The following KANSL3 variants were observed in gnomAD, a reference collection of about 807,000 sequenced individuals.
KANSL3 encodes the protein KAT8 regulatory NSL complex subunit 3, also known as NSL complex protein NSL3.
A neutral mutation model predicts 89.2 loss-of-function variants in KANSL3; 16 were observed. That is an observed-to-expected ratio of 0.18 (90% CI 0.12 to 0.27). The LOEUF (loss-of-function observed/expected upper bound fraction) is 0.27, where lower values mean the gene tolerates loss of function less well. Among genes scored for constraint, KANSL3 ranks in the 10% least tolerant of loss-of-function variants. The probability of loss-of-function intolerance (pLI) is 1.00; values close to 1 mark genes in which losing one functional copy is unlikely to be tolerated. For synonymous variants in KANSL3, 385 were observed against 419.7 expected (o/e 0.92, Z 1.01); for missense variants, 879 against 1,110.6 (o/e 0.79, Z 2.96).
intron 5 of KANSL3, among the ~76,000 whole-genome samples, chr2:96,618,097 A>G (rs1467801300): frequency 6.6e-6 from 1 of 151,618 alleles, no homozygotes; most frequent in Non-Finnish European, 1.5e-5. Flanking sequence ...GTTCGAAGTT[A>G]TAGCAAGCAA....
chr2:96,598,245 G>T, intron 20 of KANSL3: 3 of 467,220 alleles, frequency 6.4e-6, no homozygotes, highest in Non-Finnish European at 8.4e-6. Context: ...AACTGTTTTA[G>T]AGTATGAGAG....
At chr2:96,596,732 T>C (rs2066571543) in intron 20 of KANSL3, among the ~76,000 whole-genome samples, 1 of 152,172 alleles carries the variant, frequency 6.6e-6, no homozygotes, top group South Asian at 2.1e-4. Context: ...GAATACACCT[T>C]AGAGTGAGCC....
chr2:96,593,128 A>C (rs1464177632), downstream of KANSL3: 1 of 404,224 alleles, frequency 2.5e-6, no homozygotes, highest in Non-Finnish European at 5.0e-6. Context: ...TTTCCAGAAT[A>C]CATATGAGAA....
chr2:96,610,825 T>C lies in KANSL3; in HGVS notation c.1220A>G (p.Asn407Ser). The part of the protein sequence containing the change: ...KTPVLFVIGQ[N>S]SLQCHPEAME... Reference sequence around the variant, plus strand: ...GGCTTCAGGGTGACATTGAAGGGAATTCTGACCAATGACAAAGAGGACTGG... The same window carrying C: ...GGCTTCAGGGTGACATTGAAGGGAACTCTGACCAATGACAAAGAGGACTGG... Residue 407 changes from asparagine to serine, a missense_variant, in exon 11 of 21, where the codon AAT becomes AGT. By Grantham distance (46) the Asn-to-Ser change is conservative (BLOSUM62 1). This residue lies in a region of KANSL3 where 198 missense variants were observed against 260.3 expected (regional missense o/e 0.76). Coordinates refer to ENST00000431828, the MANE Select transcript of KANSL3 (RefSeq NM_001115016.3). 1.2e-6 allele frequency: 2 copies of C among 1,613,950 alleles called. No individual in the cohort carries two copies. Among genetic ancestry groups the C allele is most frequent in the Non-Finnish European group, 8.5e-7 (1 of 1,179,834 alleles).
intron 18 of KANSL3, among the ~76,000 whole-genome samples, 199 bp downstream of exon 18, chr2:96,602,554 A>C (rs748734772): frequency 6.6e-6 from 1 of 152,216 alleles, no homozygotes; most frequent in South Asian, 2.1e-4. Context: ...AAAGAAACAA[A>C]AACAGAGTGG....
At chr2:96,615,379 T>C (rs1440047134) in intron 5 of KANSL3, 3 of 319,430 alleles carry the variant, frequency 9.4e-6, no homozygotes, top group Non-Finnish European at 1.6e-5. Context: ...CAAAAATATA[T>C]ATCCTGCTAT....
intron 3 of KANSL3, among the ~76,000 whole-genome samples, chr2:96,621,047 A>G: frequency 6.6e-6 from 1 of 152,166 alleles, no homozygotes; most frequent in East Asian, 1.9e-4. Flanking sequence ...TGCTACACCC[A>G]AATGAGACCC....
At chr2:96,635,805 A>G (rs2074150059) in intron 2 of KANSL3, among the ~76,000 whole-genome samples, 2 of 152,172 alleles carry the variant, frequency 1.3e-5, no homozygotes, top group African/African-American at 4.8e-5. Context: ...CCTGGCTAAC[A>G]TGGTGGGTGG....
intron 9 of KANSL3, 140 bp downstream of exon 9, chr2:96,612,142 T>C (rs2069118852): frequency 3.1e-6 from 2 of 648,704 alleles, no homozygotes; most frequent in Admixed American, 3.0e-5. Context: ...TAATAAAATT[T>C]GTCTTCTACA....
intron 3 of KANSL3, among the ~76,000 whole-genome samples, chr2:96,621,503 G>C (rs1211150344): frequency 6.6e-6 from 1 of 150,852 alleles, no homozygotes; most frequent in Non-Finnish European, 1.5e-5. Flanking sequence ...GACAGAGTGA[G>C]ACTCTGTCTT....
At chr2:96,618,901 T>C (rs1051864404) in intron 5 of KANSL3, among the ~76,000 whole-genome samples, 13 of 152,246 alleles carry the variant, frequency 8.5e-5, no homozygotes, top group African/African-American at 3.1e-4. Context: ...TACTGAATTA[T>C]AAAAGTCTAA....
the KANSL3 span, among the ~76,000 whole-genome samples, chr2:96,582,935 G>C: frequency 5.3e-5 from 8 of 152,312 alleles, no homozygotes; most frequent in Admixed American, 6.5e-5. Context: ...TGTAGTTTAG[G>C]AGCTACAGGA....
At chr2:96,609,342 A>G (rs147648917) in intron 12 of KANSL3, among the ~76,000 whole-genome samples, 157 bp downstream of exon 12, 1 of 152,046 alleles carries the variant, frequency 6.6e-6, no homozygotes, top group Non-Finnish European at 1.5e-5. Context: ...ACATTAATTC[A>G]CCACTCTCAT....
chr2:96,602,962 T>C, intron 17 of KANSL3, 100 bp from the exon 18 acceptor site: 1 of 1,113,708 alleles, frequency 9.0e-7, no homozygotes, highest in African/African-American at 1.5e-5. Flanking sequence ...AAAACACCAG[T>C]GGTGCTTGCC....
intron 6 of KANSL3, 111 bp downstream of exon 6, chr2:96,613,377 T>A (rs992176040): frequency 2.3e-5 from 18 of 776,792 alleles, no homozygotes; most frequent in African/African-American, 7.3e-5. Context: ...TCTCAAAAAA[T>A]AATAATAATA....
intron 2 of KANSL3, among the ~76,000 whole-genome samples, chr2:96,633,958 G>A (rs995724715): frequency 1.3e-5 from 2 of 152,218 alleles, no homozygotes; most frequent in Non-Finnish European, 2.9e-5. Context: ...TACCACACTG[G>A]ACATCCCAGG....
At chr2:96,624,477 C>G (rs1244367294) in intron 3 of KANSL3, among the ~76,000 whole-genome samples, 1 of 152,060 alleles carries the variant, frequency 6.6e-6, no homozygotes, top group African/African-American at 2.4e-5. Flanking sequence ...AGTGACCACC[C>G]CTCCCTTCCT....
chr2:96,632,598 G>A (rs758731597), intron 2 of KANSL3, among the ~76,000 whole-genome samples: 53 of 152,224 alleles, frequency 3.5e-4, no homozygotes, highest in Non-Finnish European at 6.8e-4. Flanking sequence ...AGCCACTGCA[G>A]TTGACTGAGA....
At chr2:96,593,104 A>G (rs918774327), downstream of KANSL3, 18 of 371,054 alleles carry the variant, frequency 4.9e-5, no homozygotes, top group Non-Finnish European at 8.1e-5. Context: ...TTTGGTGCCC[A>G]CTTCATTGGG....
Sources: allele counts gnomAD v4.1 joint callset (sites outside exome capture counted in the v4.1 genomes callset), GRCh38; gene constraint gnomAD v4.1.1; regional missense constraint gnomAD v4.1.1; transcripts MANE v1.5; gene names NCBI Gene and HGNC (gene_info 2026-07-23, HGNC 2026-07-21).